SESN1: variants seen among roughly 807,000 people sequenced by gnomAD.
SESN1 encodes the protein sestrin-1.
Under a neutral mutation model 59.3 loss-of-function variants are expected in SESN1, and 30 were observed. That is an observed-to-expected ratio of 0.51 (90% CI 0.38 to 0.69). SESN1 has a LOEUF of 0.69. Ranked by LOEUF, SESN1 falls within the 30% of genes least tolerant of loss-of-function variation. The pLI is 0.00. For synonymous variants in SESN1, 197 were observed against 219.9 expected (o/e 0.90, Z 0.92); for missense variants, 566 against 673.0 (o/e 0.84, Z 1.76).
At chr6:109,064,884 C>A (rs1157633738) in intron 1 of SESN1, among the ~76,000 whole-genome samples, 1 of 151,998 alleles carries the variant, frequency 6.6e-6, no homozygotes, top group Non-Finnish European at 1.5e-5. Flanking sequence ...GCAACAACAG[C>A]AACAATAACC....
At chr6:109,018,091 T>C (rs1779955294) in intron 1 of SESN1, among the ~76,000 whole-genome samples, 1 of 152,220 alleles carries the variant, frequency 6.6e-6, no homozygotes, top group Non-Finnish European at 1.5e-5. Context: ...AACTAGAACC[T>C]GGCCCCTTCC....
In SESN1 at chr6:108,985,112, G is replaced by A. The variant is rs1779148865; in HGVS notation, c.*2432C>T. ...CTAGTAACATTTCTGATTCATGTATGATATTCACATATATGAATATGCTAA... is the reference window on the plus strand; with the variant it reads ...CTAGTAACATTTCTGATTCATGTATAATATTCACATATATGAATATGCTAA... On this transcript the variant is annotated 3_prime_UTR_variant, in exon 10 of 10. Transcript: ENST00000436639. Among the ~76,000 whole-genome samples the A allele has an allele frequency of 1.3e-5, 2 of 152,016 alleles. No individual in the cohort carries two copies.
intron 1 of SESN1, chr6:109,090,653 G>C (rs1352917557): frequency 6.6e-6 from 1 of 152,180 alleles, no homozygotes; most frequent in African/African-American, 2.4e-5. Context: ...TCTTCACTTT[G>C]AGTACACTGA....
In SESN1 at chr6:109,009,462, T is replaced by G. The variant is rs1013229482; in HGVS notation, c.280-7119A>C. ...GTTCGCGGCGGCGGCCAAGCGCATG[T>G]CGGCGCGGGGACGGCTGCGGACGCG... is the stretch of plus-strand genomic sequence containing the variant. On this transcript the variant is annotated intron_variant, in intron 1 of 9. Transcript: ENST00000436639. 3.8e-6 allele frequency: 5 copies of G among 1,299,980 alleles called. No individual in the cohort carries two copies. The African/African-American group carries it at 7.7e-5, about 20-fold the overall frequency. The allele number at this position is 1,299,980 out of a possible 1,614,324, so 80.5% of individuals were successfully genotyped here.
At chr6:109,063,308 G>C in intron 1 of SESN1, among the ~76,000 whole-genome samples, 1 of 152,078 alleles carries the variant, frequency 6.6e-6, no homozygotes, top group Admixed American at 6.5e-5. Flanking sequence ...GTGGGAGGGA[G>C]CACACGAGAA....
At chr6:109,008,306 T>C (rs1189151952) in intron 1 of SESN1, among the ~76,000 whole-genome samples, 4 of 152,210 alleles carry the variant, frequency 2.6e-5, no homozygotes, top group African/African-American at 4.8e-5. Flanking sequence ...ACAGAAACTG[T>C]AAATGTTAAT....
intron 1 of SESN1, among the ~76,000 whole-genome samples, chr6:109,088,485 G>A (rs979755252): frequency 1.2e-4 from 18 of 151,530 alleles, no homozygotes; most frequent in Admixed American, 2.6e-4. Context: ...CCTGGAGGTG[G>A]GGGGGTAATA....
chr6:109,068,081 C>T (rs749879499), intron 1 of SESN1, among the ~76,000 whole-genome samples: 5 of 152,192 alleles, frequency 3.3e-5, no homozygotes, highest in Non-Finnish European at 7.3e-5. Flanking sequence ...AGTAACTACA[C>T]TCAACCTTTG....
chr6:109,063,112 C>G lies in SESN1; in HGVS notation c.279+30683G>C, dbSNP rs902347176. On this transcript the variant is annotated intron_variant, in intron 1 of 9. Coordinates refer to ENST00000436639, the MANE Select transcript of SESN1 (RefSeq NM_014454.3). ...AGAGAGAAACAGCCCTTGGTCACTGCCCTGTCTGAGTCCCAGGAGTCACCC... is the reference window on the plus strand; with the variant it reads ...AGAGAGAAACAGCCCTTGGTCACTGGCCTGTCTGAGTCCCAGGAGTCACCC... 2.6e-5 allele frequency among the ~76,000 whole-genome samples: 4 copies of G among 152,170 alleles called. No homozygotes were observed. The East Asian group carries it at 7.7e-4, about 29-fold the overall frequency.
intron 1 of SESN1, among the ~76,000 whole-genome samples, chr6:109,090,886 T>TA (rs1781306531): frequency 6.6e-6 from 1 of 152,136 alleles, no homozygotes; most frequent in African/African-American, 2.4e-5. Flanking sequence ...CCTCCTGCCT[T>TA]AGCCTCCTGA....
intron 3 of SESN1, 40 bp from the exon 4 acceptor site, chr6:109,000,713 C>T (rs767078398): frequency 7.1e-6 from 10 of 1,416,380 alleles, no homozygotes; most frequent in Middle Eastern, 1.9e-4. Context: ...AATATTAAAA[C>T]CTTGAACTAC....
chr6:109,075,098 T>C (rs1781010443), intron 1 of SESN1, among the ~76,000 whole-genome samples: 1 of 152,100 alleles, frequency 6.6e-6, no homozygotes, highest in Admixed American at 6.6e-5. Context: ...GTTGCAAAGG[T>C]AGGAAGAAGT....
intron 1 of SESN1, among the ~76,000 whole-genome samples, chr6:109,013,818 A>G (rs1209353393): frequency 6.6e-6 from 1 of 152,188 alleles, no homozygotes; most frequent in East Asian, 1.9e-4. Context: ...TTTAGAACAA[A>G]TGCTGGTTTA....
At chr6:109,006,047 T>C (rs904376505) in intron 1 of SESN1, among the ~76,000 whole-genome samples, 13 of 152,192 alleles carry the variant, frequency 8.5e-5, no homozygotes, top group African/African-American at 3.1e-4. Flanking sequence ...AAAAAGCAAC[T>C]AGGGCTCATG....
Position 108,990,779 on chromosome 6 carries a change from C to T in SESN1, c.1290G>A (p.Val430=). 1 of 1,614,048 alleles carries T rather than the reference C, an allele frequency of 6.2e-7. No homozygotes were observed. Among genetic ancestry groups the T allele is most frequent in the East Asian group, 2.2e-5 (1 of 44,870 alleles). ...GAAATTTTTCATCAATCAACTGTCCCACATCTGGATAAAGGCGATTTACCA... is the reference window on the plus strand; with the variant it reads ...GAAATTTTTCATCAATCAACTGTCCTACATCTGGATAAAGGCGATTTACCA... The part of the protein sequence containing the change: ...YSLVNRLYPD[V]GQLIDEKFHI... Residue 430 remains valine (V), a synonymous_variant, in exon 8 of 10, where the codon GTG becomes GTA. Transcript: ENST00000436639.
chr6:109,033,346 T>A (rs977306231), intron 1 of SESN1, among the ~76,000 whole-genome samples: 2 of 152,196 alleles, frequency 1.3e-5, no homozygotes, highest in Non-Finnish European at 2.9e-5. Context: ...AATAAAAAAA[T>A]TTATTTCCCA....
chr6:109,060,599 C>T (rs1375128947), intron 1 of SESN1, among the ~76,000 whole-genome samples: 1 of 152,144 alleles, frequency 6.6e-6, no homozygotes, highest in Non-Finnish European at 1.5e-5. Flanking sequence ...AGACAATTCC[C>T]TCCCTCATTT....
intron 1 of SESN1, among the ~76,000 whole-genome samples, chr6:109,045,463 TC>T (rs1198295509): frequency 7.8e-6 from 1 of 128,348 alleles, no homozygotes; most frequent in African/African-American, 4.3e-5. Flanking sequence ...GGCATATAAT[TC>T]CATTTCAGAT....
intron 1 of SESN1, among the ~76,000 whole-genome samples, chr6:109,024,939 T>C (rs939168273): frequency 1.3e-5 from 2 of 152,182 alleles, no homozygotes. Context: ...ATGGCCGAAC[T>C]GGCAAAGTAA....
Sources: gnomAD v4.1 joint callset for allele counts (sites outside exome capture counted in the v4.1 genomes callset) on GRCh38, gnomAD v4.1.1 for gene constraint, MANE v1.5 for transcripts, NCBI Gene and HGNC (gene_info 2026-07-23, HGNC 2026-07-21) for gene names.